Variants in UGDH observed in about 807,000 individuals in gnomAD.
UGDH encodes UDP-glucose 6-dehydrogenase, also known as UDP-Glc dehydrogenase.
In UGDH, 38 loss-of-function variants were observed where a neutral mutation model predicts 50.6. The ratio of observed to expected loss-of-function variants is 0.75; its 90% CI spans 0.58 to 0.98. The LOEUF (loss-of-function observed/expected upper bound fraction) is 0.98. Among genes scored for constraint, UGDH ranks in the 50% least tolerant of loss-of-function variants. The probability of loss-of-function intolerance (pLI) is 0.00; values close to 1 mark genes in which losing one functional copy is unlikely to be tolerated. For missense variants in UGDH, 465 were observed against 606.2 expected, an observed-to-expected ratio of 0.77 and a Z score of 2.45; for synonymous variants, 168 against 199.9, an observed-to-expected ratio of 0.84 and a Z score of 1.35.
At position 39,504,003 on chromosome 4, in the gene UGDH, AG is replaced by A; in HGVS notation, c.1264-19del. ...TCCAATTCCTGTAAAGACAAACCAC[AG>A]GAACAATTAAAACACATACGTGGGC... is the stretch of plus-strand genomic sequence containing the variant. On this transcript the variant is annotated intron_variant, in intron 10 of 11. Transcript: ENST00000316423. The A allele has an allele frequency of 6.2e-7, 1 of 1,608,528 alleles. No individual in the cohort carries two copies. The highest frequency in any genetic ancestry group is 1.1e-5 in the South Asian group (1 of 90,744).
chr4:39,513,480 T>A (rs147343345), intron 3 of UGDH, among the ~76,000 whole-genome samples: 88 of 151,444 alleles, frequency 5.8e-4, no homozygotes, highest in African/African-American at 2.1e-3. Context: ...GAAATAAATA[T>A]GAAATATACT....
intron 7 of UGDH, among the ~76,000 whole-genome samples, chr4:39,506,672 G>A (rs3796521): frequency 0.61 from 92,629 of 151,518 alleles, 28,982 homozygotes; most frequent in East Asian, 0.87. Flanking sequence ...CCGGGTGGGC[G>A]AAGCAAAAGA....
rs769243823 is a variant in UGDH, at chr4:39,514,133, A to C, written c.214T>G (p.Ser72Ala). 1 of 1,576,406 alleles carries C rather than the reference A, an allele frequency of 6.3e-7. No homozygotes were observed. Among genetic ancestry groups the C allele is most frequent in the Non-Finnish European group, 8.6e-7 (1 of 1,168,914 alleles). The stretch of plus-strand genomic sequence containing the variant: ...TTGATGGCATCATCAATATTGGTAG[A>C]AAAAAAAAGATTTTTTCCTCGACAG... Reference protein sequence around the residue: ...ESCRGKNLFFSTNIDDAIKEA... With the variant: ...ESCRGKNLFFATNIDDAIKEA... Residue 72 changes from serine to alanine, a missense_variant, in exon 3 of 12, where the codon TCT (serine) becomes GCT (alanine). By Grantham distance (99) the Ser-to-Ala change is moderately conservative. Transcript: ENST00000316423.
At position 39,527,308 on chromosome 4, in the gene UGDH, A is replaced by C. The variant is rs1746948708; in HGVS notation, c.-33T>G. 3 of 355,946 alleles carry C rather than the reference A, an allele frequency of 8.4e-6. No individual in the cohort carries two copies. The highest frequency in any genetic ancestry group is 3.8e-5 in the Admixed American group (1 of 26,298). 22.0% of individuals were successfully genotyped at this position (355,946 alleles called of 1,614,324 possible). A position where few individuals can be genotyped will look rare whatever the true frequency, so the allele number is the denominator to read the frequency against. ...CCACTTCCCAGCAGCAAGCGCAGGG[A>C]CCGCTCCTATCCCGATCGTTCGGAC... On this transcript the variant is annotated 5_prime_UTR_variant, in exon 1 of 12. Transcript: ENST00000316423.
chr4:39,504,989 T>TG (rs1268825336), intron 9 of UGDH, among the ~76,000 whole-genome samples: 11 of 152,220 alleles, frequency 7.2e-5, no homozygotes, highest in Admixed American at 4.6e-4. Context: ...AACCCTGCTT[T>TG]GGAAGCATCT....
rs1336541654 is a variant in UGDH, at chr4:39,505,828, T to C, written c.907-80A>G. On this transcript the variant is annotated intron_variant, in intron 7 of 11. Coordinates refer to ENST00000316423, the MANE Select transcript of UGDH (RefSeq NM_003359.4). ...ACACACATTACTCAGAATTTTATGG[T>C]GAGTGCTATTGTACAAATACAATGC... 5.7e-6 allele frequency: 8 copies of C among 1,406,116 alleles called. No homozygotes were observed. In the African/African-American group the frequency reaches 8.6e-5, roughly 15 times the overall value. The allele number at this position is 1,406,116 out of a possible 1,614,324, so 87.1% of individuals were successfully genotyped here.
intron 1 of UGDH, chr4:39,526,972 C>T: frequency 7.8e-7 from 1 of 1,277,346 alleles, no homozygotes; most frequent in South Asian, 1.2e-5. Context: ...GGTGGGCGTT[C>T]GGCTTTGGAG....
At chr4:39,527,095 G>A in intron 1 of UGDH, 188 bp downstream of exon 1, 1 of 1,289,360 alleles carries the variant, frequency 7.8e-7, no homozygotes, top group Non-Finnish European at 1.0e-6. Flanking sequence ...CCCCAGGACA[G>A]CAGTTCCAAA....
intron 7 of UGDH, 29 bp downstream of exon 7, chr4:39,508,537 C>T: frequency 1.2e-6 from 2 of 1,601,726 alleles, no homozygotes. Context: ...CCTGGCTAAA[C>T]AGAAATTATT....
intron 11 of UGDH, 85 bp downstream of exon 11, chr4:39,503,790 C>A: frequency 8.4e-7 from 1 of 1,191,146 alleles, no homozygotes; most frequent in Non-Finnish European, 1.2e-6. Context: ...TTGATGTCAA[C>A]TTGACTAGAT....
chr4:39,527,032 A>G, intron 1 of UGDH: 1 of 1,289,376 alleles, frequency 7.8e-7, no homozygotes. Flanking sequence ...AGGCAGAAAG[A>G]GAAGGGGCTG....
At chr4:39,509,364 CTA>C (rs1746142628) in intron 6 of UGDH, among the ~76,000 whole-genome samples, 2 of 152,054 alleles carry the variant, frequency 1.3e-5, no homozygotes, top group African/African-American at 4.8e-5. Context: ...TCTGAGGAGA[CTA>C]TTAAACTGCC....
intron 7 of UGDH, 102 bp downstream of exon 7, chr4:39,508,464 C>A: frequency 8.6e-7 from 1 of 1,162,768 alleles, no homozygotes; most frequent in Non-Finnish European, 1.2e-6. Context: ...AAATTCCTGG[C>A]CTCAAGTGAT....
Position 39,509,832 on chromosome 4 carries a change from C to T in UGDH, c.739G>A (p.Asp247Asn), listed in dbSNP as rs1457035532. ...ATCGCTGTTGCTACCTCTTCTACAT[C>T]AGCTCCTGTTGCTTCACACAGAGCA... ...ISALCEATGA[D>N]VEEVATAIGM... The change falls in exon 6 of 12, where the codon GAT becomes AAT. Residue 247 changes from aspartate (D) to asparagine (N), a missense_variant. Transcript: ENST00000316423. The T allele has an allele frequency of 6.2e-7, 1 of 1,613,304 alleles. No homozygotes were observed. Among genetic ancestry groups the T allele is most frequent in the African/African-American group, 1.3e-5 (1 of 74,886 alleles).
At chr4:39,511,634 A>G (rs1340139318) in intron 3 of UGDH, among the ~76,000 whole-genome samples, 1 of 151,814 alleles carries the variant, frequency 6.6e-6, no homozygotes, top group Non-Finnish European at 1.5e-5. Context: ...TCATTTACAA[A>G]TGCTTTCTGA....
rs756509423 is a variant in UGDH, at chr4:39,500,000, A to G, written c.*143T>C. On this transcript the variant is annotated 3_prime_UTR_variant, in exon 12 of 12. Coordinates refer to ENST00000316423, the MANE Select transcript of UGDH (RefSeq NM_003359.4). ...AGCCGAGATTGCACCACTGCACTCCAGCCTGGGCAACAGTGAGACTCTGTC... is the reference window on the plus strand; with the variant it reads ...AGCCGAGATTGCACCACTGCACTCCGGCCTGGGCAACAGTGAGACTCTGTC... 1.3e-4 allele frequency: 67 copies of G among 530,298 alleles called. No individual in the cohort carries two copies. The highest frequency in any genetic ancestry group is 2.2e-4 in the Non-Finnish European group (64 of 297,192). The allele number at this position is 530,298 out of a possible 1,614,324, so 32.8% of individuals were successfully genotyped here.
chr4:39,526,423 G>T (rs1384402679), intron 1 of UGDH: 2 of 152,194 alleles, frequency 1.3e-5, no homozygotes, highest in African/African-American at 4.8e-5. Context: ...ACATCTCAGA[G>T]CAGACAGTCA....
intron 2 of UGDH, among the ~76,000 whole-genome samples, chr4:39,520,593 G>A (rs377128517): frequency 9.9e-5 from 15 of 151,766 alleles, no homozygotes; most frequent in East Asian, 9.6e-4. Flanking sequence ...AATATTTGTG[G>A]CACCAAACTC....
rs200878844 is a variant in UGDH at position 39,511,265 on chromosome 4, CT to C, written c.265-405del. Among the ~76,000 whole-genome samples the C allele has an allele frequency of 5.4e-3, 757 of 141,422 alleles. 3 individuals carry two copies. The highest frequency in any genetic ancestry group is 0.036 in the East Asian group (177 of 4,868). 92.8% of individuals were successfully genotyped at this position (141,422 alleles called of 152,430 possible). A position where few individuals can be genotyped will look rare whatever the true frequency, so the allele number is the denominator to read the frequency against. ...AGTCCTTAAAAATAAGTTTTAAAGT[CT>C]TTTTTTTTTTTTTGAGATGGAGTCT... On this transcript the variant is annotated intron_variant, in intron 3 of 11. Coordinates refer to ENST00000316423, the MANE Select transcript of UGDH (RefSeq NM_003359.4).
Sources: gnomAD v4.1 joint callset for allele counts (sites outside exome capture counted in the v4.1 genomes callset) on GRCh38, gnomAD v4.1.1 for gene constraint, MANE v1.5 for transcripts, NCBI Gene and HGNC (gene_info 2026-07-23, HGNC 2026-07-21) for gene names.